PRKCI: variants seen among roughly 807,000 people sequenced by gnomAD.
PRKCI encodes protein kinase C iota type.
PRKCI carries 43 observed loss-of-function variants against 84.0 expected under a neutral mutation model. The ratio of observed to expected loss-of-function variants is 0.51; its 90% CI spans 0.40 to 0.66. PRKCI has a LOEUF of 0.66. Among genes scored for constraint, PRKCI ranks in the 30% least tolerant of loss-of-function variants. The probability of loss-of-function intolerance (pLI) is 0.00; values close to 1 mark genes in which losing one functional copy is unlikely to be tolerated. For missense variants in PRKCI, 459 were observed against 745.6 expected (o/e 0.62, Z 4.48); for synonymous variants, 216 against 234.4 (o/e 0.92, Z 0.72).
At chr3:170,295,545 A>G (rs112718499) in intron 14 of PRKCI, among the ~76,000 whole-genome samples, 4,004 of 151,854 alleles carry the variant, frequency 0.026, 137 homozygotes, top group South Asian at 0.11. Flanking sequence ...GCATAGTGGC[A>G]CACGCCTGTA....
chr3:170,280,488 C>T (rs1734215951), intron 9 of PRKCI, 85 bp downstream of exon 9: 5 of 1,307,356 alleles, frequency 3.8e-6, no homozygotes, highest in Non-Finnish European at 5.2e-6. Context: ...GCTCTTGTCA[C>T]CCAGCCTGGA....
At chr3:170,285,602 A>G (rs1436376383) in intron 12 of PRKCI, among the ~76,000 whole-genome samples, 1 of 152,194 alleles carries the variant, frequency 6.6e-6, no homozygotes, top group African/African-American at 2.4e-5. Flanking sequence ...ACAACATGGC[A>G]TATGACAACC....
chr3:170,231,503 C>T (rs989506273), intron 1 of PRKCI, among the ~76,000 whole-genome samples: 1 of 151,864 alleles, frequency 6.6e-6, no homozygotes, highest in Non-Finnish European at 1.5e-5. Flanking sequence ...CTCACTCTGT[C>T]GCCCAGGCTG....
intron 1 of PRKCI, among the ~76,000 whole-genome samples, chr3:170,227,556 A>G (rs890557129): frequency 9.2e-5 from 14 of 152,200 alleles, no homozygotes; most frequent in Admixed American, 9.2e-4. Flanking sequence ...GTGAATAATG[A>G]TGTTAGGTGG....
chr3:170,261,456 TTTTAAA>T (rs202198445), intron 3 of PRKCI, among the ~76,000 whole-genome samples: 4,726 of 145,758 alleles, frequency 0.032, 241 homozygotes, highest in African/African-American at 0.12. Context: ...AGTGTTTTTT[TTTTAAA>T]AAAAAAAAAA....
intron 12 of PRKCI, among the ~76,000 whole-genome samples, chr3:170,288,387 G>A (rs1469718062): frequency 2.0e-5 from 3 of 152,160 alleles, no homozygotes; most frequent in African/African-American, 7.2e-5. Context: ...ATAAATCTGA[G>A]ATCTTTATCG....
At chr3:170,293,159 G>GT (rs558859854) in intron 13 of PRKCI, among the ~76,000 whole-genome samples, 4 of 150,934 alleles carry the variant, frequency 2.7e-5, no homozygotes, top group African/African-American at 9.7e-5. Context: ...GAGAAAGAAA[G>GT]TTTTTTTTTC....
chr3:170,274,847 ATC>A (rs1734076790), intron 7 of PRKCI, among the ~76,000 whole-genome samples: 1 of 152,200 alleles, frequency 6.6e-6, no homozygotes, highest in South Asian at 2.1e-4. Context: ...GAGGTCCTGT[ATC>A]TCTATGTCTT....
intron 2 of PRKCI, among the ~76,000 whole-genome samples, chr3:170,252,356 T>C (rs1733473268): frequency 6.6e-6 from 1 of 152,150 alleles, no homozygotes; most frequent in South Asian, 2.1e-4. Flanking sequence ...ACTTTAATTT[T>C]AATGGATACA....
intron 10 of PRKCI, 104 bp from the exon 11 acceptor site, chr3:170,281,778 G>A: frequency 7.0e-7 from 1 of 1,429,090 alleles, no homozygotes; most frequent in Non-Finnish European, 9.2e-7. Context: ...CTTTTTAAAG[G>A]CTAAATAGTA....
At chr3:170,230,370 G>A (rs970512796) in intron 1 of PRKCI, among the ~76,000 whole-genome samples, 2 of 152,116 alleles carry the variant, frequency 1.3e-5, no homozygotes, top group Admixed American at 6.6e-5. Flanking sequence ...TTGCTCAGTC[G>A]CCCAGGCTGG....
intron 2 of PRKCI, among the ~76,000 whole-genome samples, chr3:170,250,582 T>C (rs996070617): frequency 3.9e-5 from 6 of 152,060 alleles, no homozygotes; most frequent in African/African-American, 1.2e-4. Context: ...TCCTATACAG[T>C]GTCATTACTA....
chr3:170,272,980 T>C (rs556197536), intron 6 of PRKCI, among the ~76,000 whole-genome samples: 3 of 152,206 alleles, frequency 2.0e-5, no homozygotes, highest in African/African-American at 7.2e-5. Context: ...AGATCTGAAG[T>C]GGAGCTTGAA....
chr3:170,231,560 G>A (rs937590596), intron 1 of PRKCI, among the ~76,000 whole-genome samples: 1 of 152,056 alleles, frequency 6.6e-6, no homozygotes, highest in Non-Finnish European at 1.5e-5. Flanking sequence ...CGCGTCCCAA[G>A]TTCAAGTGAT....
At chr3:170,232,442 T>C (rs1256296214) in intron 1 of PRKCI, among the ~76,000 whole-genome samples, 1 of 152,216 alleles carries the variant, frequency 6.6e-6, no homozygotes, top group Non-Finnish European at 1.5e-5. Context: ...CACAGCTCAC[T>C]GCAGCCTCAA....
chr3:170,280,344 A>T lies in PRKCI; in HGVS notation c.823A>T (p.Lys275Ter). ...CAAAGTACTGTTGGTTCGATTAAAAAAAACAGATCGTATTTATGCAATGAA... is the reference window on the plus strand; with the variant it reads ...CAAAGTACTGTTGGTTCGATTAAAATAAACAGATCGTATTTATGCAATGAA... ...YAKVLLVRLK[K>*]TDRIYAMKVV... Residue 275 changes from lysine to a stop codon, truncating the protein, a stop_gained, in exon 9 of 18, where the codon AAA becomes TAA. Coordinates refer to ENST00000295797, the MANE Select transcript of PRKCI (RefSeq NM_002740.6). LOFTEE classifies it high-confidence loss of function. The T allele has an allele frequency of 1.2e-6, 2 of 1,614,126 alleles. No homozygotes were observed. Among genetic ancestry groups the T allele is most frequent in the Non-Finnish European group, 1.7e-6 (2 of 1,179,978 alleles).
intron 2 of PRKCI, among the ~76,000 whole-genome samples, chr3:170,238,362 CAA>C (rs1176092305): frequency 7.2e-6 from 1 of 138,280 alleles, no homozygotes; most frequent in Non-Finnish European, 1.6e-5. Context: ...GACTCCATTT[CAA>C]AAAAAAAAAA....
rs545286472 is a variant in PRKCI at position 170,283,939 on chromosome 3, A to G, written c.1068-522A>G. On this transcript the variant is annotated intron_variant, in intron 11 of 17. Transcript: ENST00000295797. ...AGTTCTTCATTTAATATTAAATTTT[A>G]CAGTTGTTTATAGTTGTAGAATATT... is the stretch of plus-strand genomic sequence containing the variant. 2.4e-4 allele frequency among the ~76,000 whole-genome samples: 37 copies of G among 152,258 alleles called. 1 individual carries two copies. The South Asian group carries it at 7.5e-3, about 31-fold the overall frequency.
At chr3:170,264,264 C>G (rs1312702531) in intron 4 of PRKCI, among the ~76,000 whole-genome samples, 1 of 146,420 alleles carries the variant, frequency 6.8e-6, no homozygotes, top group Non-Finnish European at 1.5e-5. Context: ...TTTACTTAAA[C>G]AGGTATTAAG....
Sources: allele counts gnomAD v4.1 joint callset (sites outside exome capture counted in the v4.1 genomes callset), GRCh38; gene constraint gnomAD v4.1.1; transcripts MANE v1.5; gene names NCBI Gene and HGNC (gene_info 2026-07-23, HGNC 2026-07-21).